ARFGEF1: variants seen among roughly 807,000 people sequenced by gnomAD.
ARFGEF1 encodes the protein ARF guanine nucleotide exchange factor 1.
Under a neutral mutation model 231.0 loss-of-function variants are expected in ARFGEF1, and 42 were observed. The ratio of observed to expected loss-of-function variants is 0.18; its 90% CI spans 0.14 to 0.24. The LOEUF (loss-of-function observed/expected upper bound fraction) is 0.24. ARFGEF1 is among the 10% of genes least tolerant of loss of function. The pLI is 1.00. For missense variants in ARFGEF1, 1,345 were observed against 2,192.0 expected, an observed-to-expected ratio of 0.61 and a Z score of 7.72; for synonymous variants, 710 against 732.3, an observed-to-expected ratio of 0.97 and a Z score of 0.49.
At chr8:67,272,535 G>GA (rs1805139728) in intron 9 of ARFGEF1, among the ~76,000 whole-genome samples, 1 of 151,874 alleles carries the variant, frequency 6.6e-6, no homozygotes, top group African/African-American at 2.4e-5. Flanking sequence ...CACTGGAAAA[G>GA]AAAAAAATAG....
intron 35 of ARFGEF1, among the ~76,000 whole-genome samples, chr8:67,204,155 CAG>C (rs1385743942): frequency 6.6e-6 from 1 of 152,142 alleles, no homozygotes; most frequent in Admixed American, 6.5e-5. Flanking sequence ...AACTTCTTAA[CAG>C]AGTACTGGCT....
intron 36 of ARFGEF1, 167 bp from the exon 37 acceptor site, chr8:67,201,772 C>A: frequency 1.1e-6 from 1 of 872,408 alleles, no homozygotes; most frequent in South Asian, 1.6e-5. Context: ...GTCCAGAATT[C>A]CCTCCCTATT....
chr8:67,284,562 GA>G (rs1184165471), intron 7 of ARFGEF1, among the ~76,000 whole-genome samples: 1 of 152,142 alleles, frequency 6.6e-6, no homozygotes, highest in Admixed American at 6.6e-5. Context: ...TATAATTACA[GA>G]AAAATCTTGA....
At chr8:67,220,139 G>A (rs1563844638) in intron 29 of ARFGEF1, among the ~76,000 whole-genome samples, 1 of 152,182 alleles carries the variant, frequency 6.6e-6, no homozygotes, top group African/African-American at 2.4e-5. Flanking sequence ...TGGGAGGCAA[G>A]CAATAAATAT....
chr8:67,341,528 T>C (rs557744639), intron 1 of ARFGEF1, among the ~76,000 whole-genome samples: 1 of 152,114 alleles, frequency 6.6e-6, no homozygotes, highest in African/African-American at 2.4e-5. Flanking sequence ...TCCTGGGAGT[T>C]TGAGGCGGCA....
At chr8:67,235,264 T>A (rs1207141138) in intron 22 of ARFGEF1, among the ~76,000 whole-genome samples, 3 of 151,748 alleles carry the variant, frequency 2.0e-5, no homozygotes, top group Non-Finnish European at 4.4e-5. Flanking sequence ...TAATGAGAGT[T>A]CCAGTTTTGT....
intron 18 of ARFGEF1, among the ~76,000 whole-genome samples, chr8:67,252,608 T>G (rs1219473391): frequency 6.6e-6 from 1 of 152,206 alleles, no homozygotes; most frequent in Non-Finnish European, 1.5e-5. Context: ...GCAGGAATCC[T>G]CTTTCTATAT....
At chr8:67,193,655 CT>C (rs1236186336), downstream of ARFGEF1, 3 of 1,506,548 alleles carry the variant, frequency 2.0e-6, no homozygotes, top group African/African-American at 2.8e-5. Context: ...AACTTTTAAA[CT>C]TTCTTACTCA....
rs1256757226 is a variant in ARFGEF1, at chr8:67,224,951, A to C, written c.4160T>G (p.Phe1387Cys). 1 of 1,605,042 alleles carries C rather than the reference A, an allele frequency of 6.2e-7. No homozygotes were observed. Among genetic ancestry groups the C allele is most frequent in the African/African-American group, 1.3e-5 (1 of 74,830 alleles). ...TCTATTGATGATACAGGATAACTCA[A>C]AGAGAATTGGGAACCATCCTCTCAC... is the stretch of plus-strand genomic sequence containing the variant. ...VWVRGWFPIL[F>C]ELSCIINRCK... Residue 1387 changes from phenylalanine (F) to cysteine (C), a missense_variant, in exon 29 of 39, where the codon TTT becomes TGT. Coordinates refer to ENST00000262215, the MANE Select transcript of ARFGEF1 (RefSeq NM_006421.5).
chr8:67,179,583 A>G lies in ARFGEF1; in HGVS notation c.561-4011T>C, dbSNP rs189553147. On this transcript the variant is annotated intron_variant, in intron 5 of 5. Coordinates refer to the ARFGEF1 transcript ENST00000518789. ...TCCTTTTATTTGACTTCAACCATAA[A>G]GGGGCAGGAAGGAGTGGAGCTAGGG... is the stretch of plus-strand genomic sequence containing the variant. Among the ~76,000 whole-genome samples the G allele has an allele frequency of 9.6e-4, 146 of 152,316 alleles. No homozygotes were observed. The highest frequency in any genetic ancestry group is 3.4e-3 in the African/African-American group (142 of 41,572).
downstream of ARFGEF1, among the ~76,000 whole-genome samples, chr8:67,197,052 G>A (rs769023318): frequency 7.2e-5 from 11 of 151,998 alleles, no homozygotes; most frequent in South Asian, 1.2e-3. Flanking sequence ...CTGACTCCTC[G>A]AACACACAAT....
chr8:67,273,625 A>C (rs1244633394), intron 9 of ARFGEF1, among the ~76,000 whole-genome samples: 1 of 152,150 alleles, frequency 6.6e-6, no homozygotes, highest in Non-Finnish European at 1.5e-5. Context: ...ACTTTCTCTG[A>C]AATAAAACTG....
chr8:67,191,386 A>C (rs1303688780), intron 5 of ARFGEF1, among the ~76,000 whole-genome samples: 1 of 152,264 alleles, frequency 6.6e-6, no homozygotes, highest in Non-Finnish European at 1.5e-5. Flanking sequence ...GACCTCACCA[A>C]GTAACAGATG....
intron 34 of ARFGEF1, among the ~76,000 whole-genome samples, chr8:67,205,586 G>C (rs1026917723): frequency 6.6e-6 from 1 of 152,192 alleles, no homozygotes; most frequent in South Asian, 2.1e-4. Context: ...GCTGGGCACG[G>C]TGGCTCATGC....
At chr8:67,215,069 T>C (rs1269413434) in intron 33 of ARFGEF1, among the ~76,000 whole-genome samples, 1 of 152,160 alleles carries the variant, frequency 6.6e-6, no homozygotes, top group Non-Finnish European at 1.5e-5. Flanking sequence ...TTTCTCCTTT[T>C]TGCAATGAGA....
intron 1 of ARFGEF1, among the ~76,000 whole-genome samples, chr8:67,327,847 T>C (rs182920557): frequency 1.0e-3 from 155 of 152,362 alleles, no homozygotes; most frequent in African/African-American, 3.4e-3. Flanking sequence ...CATCACTACA[T>C]AGTACTTTGT....
chr8:67,262,020 T>A (rs1278769924), intron 14 of ARFGEF1, among the ~76,000 whole-genome samples: 1 of 152,016 alleles, frequency 6.6e-6, no homozygotes, highest in Non-Finnish European at 1.5e-5. Flanking sequence ...GTAGAGATAC[T>A]ACTTAAAAGA....
intron 14 of ARFGEF1, among the ~76,000 whole-genome samples, chr8:67,261,363 A>G (rs1020695165): frequency 1.3e-5 from 2 of 152,220 alleles, no homozygotes; most frequent in African/African-American, 4.8e-5. Flanking sequence ...ACTTGAAGCC[A>G]ATGCTCATTT....
chr8:67,193,416 A>T, downstream of ARFGEF1: 1 of 1,562,394 alleles, frequency 6.4e-7, no homozygotes. Flanking sequence ...TGATTTGTGA[A>T]CATATTTTGT....
Sources: gnomAD v4.1 joint callset for allele counts (sites outside exome capture counted in the v4.1 genomes callset) on GRCh38, gnomAD v4.1.1 for gene constraint, MANE v1.5 for transcripts, NCBI Gene and HGNC (gene_info 2026-07-23, HGNC 2026-07-21) for gene names.